The following FHOD3 variants were observed in gnomAD, a reference collection of about 807,000 sequenced individuals.
The protein encoded by FHOD3 is formin homology 2 domain containing 3, also known as FH1/FH2 domain-containing protein 3.
FHOD3 carries 90 observed loss-of-function variants against 173.0 expected under a neutral mutation model. The observed-to-expected ratio is 0.52, with a 90% CI of 0.44 to 0.62. The LOEUF is 0.62. Ranked by LOEUF, FHOD3 falls within the 20% of genes least tolerant of loss-of-function variation. The probability of loss-of-function intolerance (pLI) is 0.00; values close to 1 mark genes in which losing one functional copy is unlikely to be tolerated. For missense variants in FHOD3, 1,945 were observed against 2,034.7 expected (o/e 0.96, Z 0.85); for synonymous variants, 828 against 823.0 (o/e 1.01, Z -0.10).
chr18:36,773,011 C>T (rs930232089), intron 28 of FHOD3, among the ~76,000 whole-genome samples: 1 of 152,236 alleles, frequency 6.6e-6, no homozygotes, highest in African/African-American at 2.4e-5. Flanking sequence ...GGTCTCTTCC[C>T]TAAACCCAGG....
rs1234996213 is a variant in FHOD3, at chr18:36,658,231, G to A, written c.1835+43G>A. On this transcript the variant is annotated intron_variant, in intron 14 of 28. Transcript: ENST00000590592. ...GCTGATAGCTTCACAGTCCTCAAGT[G>A]AGGGGAATCAATTTGGTTAAGTGTG... is the stretch of plus-strand genomic sequence containing the variant. 7.5e-6 allele frequency: 10 copies of A among 1,340,174 alleles called. 1 individual carries two copies. Among genetic ancestry groups the A allele is most frequent in the Non-Finnish European group, 9.2e-6 (9 of 973,542 alleles). The allele number at this position is 1,340,174 out of a possible 1,614,324, so 83.0% of individuals were successfully genotyped here.
At chr18:36,705,353 C>G (rs2039816063) in intron 17 of FHOD3, among the ~76,000 whole-genome samples, 1 of 152,186 alleles carries the variant, frequency 6.6e-6, no homozygotes, top group African/African-American at 2.4e-5. Flanking sequence ...CAGCATTTCC[C>G]CCCTTTTAAC....
intron 5 of FHOD3, among the ~76,000 whole-genome samples, chr18:36,518,129 G>A (rs916257315): frequency 6.6e-6 from 1 of 152,192 alleles, no homozygotes; most frequent in East Asian, 1.9e-4. Flanking sequence ...AAGAGCAGAG[G>A]TTGGGTTTAG....
At chr18:36,357,268 G>A (rs191251490) in intron 2 of FHOD3, among the ~76,000 whole-genome samples, 1 of 152,252 alleles carries the variant, frequency 6.6e-6, no homozygotes, top group East Asian at 1.9e-4. Flanking sequence ...ATCATTGATT[G>A]TGCTGCTAGT....
At chr18:36,373,570 C>G (rs569592431) in intron 3 of FHOD3, among the ~76,000 whole-genome samples, 45 of 152,308 alleles carry the variant, frequency 3.0e-4, no homozygotes, top group African/African-American at 1.1e-3. Context: ...CATGTGATTT[C>G]ACTTCATTTG....
At chr18:36,769,448 C>A in intron 28 of FHOD3, 22 bp downstream of exon 28, 1 of 1,610,580 alleles carries the variant, frequency 6.2e-7, no homozygotes, top group Non-Finnish European at 8.5e-7. Flanking sequence ...AAAGGAGGGG[C>A]GAGCCTTCAC....
At chr18:36,373,786 C>G (rs767837622) in intron 3 of FHOD3, among the ~76,000 whole-genome samples, 1 of 152,210 alleles carries the variant, frequency 6.6e-6, no homozygotes, top group Non-Finnish European at 1.5e-5. Flanking sequence ...GCTTGTAGCA[C>G]TGAGTAACTG....
chr18:36,766,806 A>G (rs2043158031), intron 27 of FHOD3, among the ~76,000 whole-genome samples: 1 of 152,248 alleles, frequency 6.6e-6, no homozygotes, highest in African/African-American at 2.4e-5. Context: ...CTCAGAGGGA[A>G]GATTAGATGA....
At chr18:36,359,680 T>C (rs1413749611) in intron 2 of FHOD3, among the ~76,000 whole-genome samples, 5 of 152,192 alleles carry the variant, frequency 3.3e-5, no homozygotes, top group Non-Finnish European at 7.3e-5. Flanking sequence ...AGGAGAGCAG[T>C]GTAGCATAAT....
chr18:36,345,472 T>C (rs2045836778), intron 1 of FHOD3, among the ~76,000 whole-genome samples: 1 of 152,220 alleles, frequency 6.6e-6, no homozygotes, highest in Non-Finnish European at 1.5e-5. Flanking sequence ...AGTGTCTCTC[T>C]CTGTTGCCCA....
intron 1 of FHOD3, among the ~76,000 whole-genome samples, chr18:36,330,388 A>G (rs926628980): frequency 6.6e-6 from 1 of 152,220 alleles, no homozygotes; most frequent in African/African-American, 2.4e-5. Context: ...CTCTATAAAT[A>G]TAAGGACTTA....
chr18:36,357,537 T>G (rs2046418234), intron 2 of FHOD3, among the ~76,000 whole-genome samples: 3 of 152,132 alleles, frequency 2.0e-5, no homozygotes, highest in Non-Finnish European at 4.4e-5. Flanking sequence ...ACCAATAGTA[T>G]GTGAGAAAGG....
chr18:36,401,398 C>A (rs1216730373), intron 3 of FHOD3, among the ~76,000 whole-genome samples: 1 of 152,190 alleles, frequency 6.6e-6, no homozygotes, highest in Admixed American at 6.5e-5. Context: ...CAATACATTT[C>A]TATTGTTTAT....
intron 14 of FHOD3, among the ~76,000 whole-genome samples, chr18:36,660,400 C>A (rs926514608): frequency 2.0e-5 from 3 of 152,150 alleles, no homozygotes; most frequent in African/African-American, 7.2e-5. Flanking sequence ...AGGAGGCAAC[C>A]AATTCTAATT....
chr18:36,699,673 A>G (rs527645228), intron 17 of FHOD3, among the ~76,000 whole-genome samples: 1 of 152,022 alleles, frequency 6.6e-6, no homozygotes, highest in South Asian at 2.1e-4. Flanking sequence ...GCTTTCCCCC[A>G]TCCATCTTTG....
chr18:36,752,642 G>T (rs1240205625), intron 24 of FHOD3, among the ~76,000 whole-genome samples: 2 of 152,120 alleles, frequency 1.3e-5, no homozygotes, highest in East Asian at 3.9e-4. Flanking sequence ...TGTATATCTG[G>T]ATCTTTTTCA....
At chr18:36,655,412 C>T (rs912494318) in intron 13 of FHOD3, among the ~76,000 whole-genome samples, 36 of 151,974 alleles carry the variant, frequency 2.4e-4, no homozygotes, top group Admixed American at 7.2e-4. Flanking sequence ...CAAGCTTCAC[C>T]GCTATTTATA....
intron 3 of FHOD3, among the ~76,000 whole-genome samples, chr18:36,426,194 G>A (rs34054521): frequency 0.27 from 40,751 of 151,884 alleles, 6,443 homozygotes; most frequent in East Asian, 0.47. Flanking sequence ...ATGAGCCACC[G>A]CGCCCGGCCT....
chr18:36,752,122 G>A (rs1377194425), intron 24 of FHOD3, among the ~76,000 whole-genome samples: 2 of 152,114 alleles, frequency 1.3e-5, no homozygotes, highest in South Asian at 4.1e-4. Flanking sequence ...ATCAGATCTC[G>A]TGAGATCTTA....
Sources: gnomAD v4.1 joint callset for allele counts (sites outside exome capture counted in the v4.1 genomes callset) on GRCh38, gnomAD v4.1.1 for gene constraint, MANE v1.5 for transcripts, NCBI Gene and HGNC (gene_info 2026-07-23, HGNC 2026-07-21) for gene names.